Variants in RPS6KA2 observed in about 807,000 individuals in gnomAD.
RPS6KA2 encodes the protein ribosomal protein S6 kinase alpha-2.
Under a neutral mutation model 91.8 loss-of-function variants are expected in RPS6KA2, and 42 were observed. The ratio of observed to expected loss-of-function variants is 0.46; its 90% confidence interval spans 0.36 to 0.59. RPS6KA2 has a LOEUF of 0.59. RPS6KA2 is among the 20% of genes least tolerant of loss of function. The pLI is 0.00. For synonymous variants in RPS6KA2, 414 were observed against 393.6 expected (o/e 1.05, Z -0.61); for missense variants, 798 against 978.5 (o/e 0.82, Z 2.46).
intron 2 of RPS6KA2, among the ~76,000 whole-genome samples, chr6:166,759,081 G>A (rs1024181362): frequency 1.8e-5 from 2 of 110,212 alleles, no homozygotes; most frequent in African/African-American, 5.9e-5. Context: ...GTGTGTGTGT[G>A]TGCACATGTG....
chr6:166,639,019 C>T lies in RPS6KA2; in HGVS notation c.124-100235G>A, dbSNP rs1582973296. On this transcript the variant is annotated intron_variant, in intron 2 of 21. Transcript: ENST00000503859. The surrounding 1 kb of genome is among the most constrained non-coding windows in gnomAD (Gnocchi z 4.2). The stretch of plus-strand genomic sequence containing the variant: ...GGAAAAAACCCTGTTCTCACCAGGT[C>T]GTCACCTATGCAAACAGCAATTTCA... 2.0e-5 allele frequency among the ~76,000 whole-genome samples: 3 copies of T among 152,170 alleles called. No homozygotes were observed. The highest frequency in any genetic ancestry group is 2.1e-4 in the South Asian group (1 of 4,824).
chr6:166,590,408 G>A (rs972330414), intron 1 of RPS6KA2, among the ~76,000 whole-genome samples: 1 of 152,298 alleles, frequency 6.6e-6, no homozygotes, highest in African/African-American at 2.4e-5. Flanking sequence ...TGCTTTAGGA[G>A]GAGACAGATC....
Position 166,430,357 on chromosome 6 carries a change from C to T in RPS6KA2, c.1581+96G>A, listed in dbSNP as rs906808068. On this transcript the variant is annotated intron_variant, in intron 16 of 20. Transcript: ENST00000265678. Reference sequence around the variant, plus strand: ...GCACGGAAGGAATTCCAGGACAATCCGCGTTCTCAGCTCTTGAACCCATAA... The same window carrying T: ...GCACGGAAGGAATTCCAGGACAATCTGCGTTCTCAGCTCTTGAACCCATAA... The T allele has an allele frequency of 3.2e-5, 35 of 1,092,634 alleles. No homozygotes were observed. The African/African-American group carries it at 3.8e-4, about 12-fold the overall frequency. The allele number at this position is 1,092,634 out of a possible 1,614,324, so 67.7% of individuals were successfully genotyped here.
intron 2 of RPS6KA2, chr6:166,701,345 G>A (rs1430839719): frequency 6.5e-7 from 1 of 1,528,384 alleles, no homozygotes; most frequent in Non-Finnish European, 9.1e-7. Flanking sequence ...AGCAGCAAAG[G>A]ATGGCACTCT....
intron 11 of RPS6KA2, among the ~76,000 whole-genome samples, chr6:166,468,991 A>G (rs1780649532): frequency 6.6e-6 from 1 of 152,226 alleles, no homozygotes; most frequent in Non-Finnish European, 1.5e-5. Flanking sequence ...AGGAAAAGAA[A>G]ATCCCAACAT....
chr6:166,648,812 A>T lies in RPS6KA2; in HGVS notation c.124-110028T>A, dbSNP rs979554572. Among the ~76,000 whole-genome samples, 7 of 152,092 alleles carry T rather than the reference A, an allele frequency of 4.6e-5. No homozygotes were observed. Among genetic ancestry groups the T allele is most frequent in the Non-Finnish European group, 1.0e-4 (7 of 68,018 alleles). ...CATCTGTGACTGTCCGACTCAAAAC[A>T]TCGGTGCCTGGCACAGGAAGCATCT... On this transcript the variant is annotated intron_variant, in intron 2 of 21. Coordinates refer to the RPS6KA2 transcript ENST00000503859. This position sits in a 1 kb window ranked among gnomAD's most constrained non-coding sequence, Gnocchi z 4.8.
Position 166,524,363 on chromosome 6 carries a change from C to T in RPS6KA2, c.298+6869G>A, listed in dbSNP as rs1782954374. On this transcript the variant is annotated intron_variant, in intron 3 of 20. Transcript: ENST00000265678. ...AAATATTTCACGTAAGCAGCTCATT[C>T]GACACTGCGGAGAGCGCCTACCGAG... 3.3e-5 allele frequency among the ~76,000 whole-genome samples: 5 copies of T among 152,020 alleles called. No individual in the cohort carries two copies. The South Asian group carries it at 1.0e-3, about 32-fold the overall frequency.
At chr6:166,414,792 C>T (rs1778441525) in intron 19 of RPS6KA2, among the ~76,000 whole-genome samples, 1 of 152,194 alleles carries the variant, frequency 6.6e-6, no homozygotes, top group African/African-American at 2.4e-5. Context: ...CGGCTGGGCG[C>T]GTTGGCTCAT....
chr6:166,722,772 G>A (rs1790216988), intron 2 of RPS6KA2, among the ~76,000 whole-genome samples: 2 of 152,138 alleles, frequency 1.3e-5, no homozygotes, highest in Admixed American at 6.5e-5. Context: ...TTTGAGATTC[G>A]TCCTTCAGTC....
Position 166,437,526 on chromosome 6 carries a change from G to A in RPS6KA2, c.1333-5036C>T, listed in dbSNP as rs113212109. On this transcript the variant is annotated intron_variant, in intron 14 of 20. Coordinates refer to ENST00000265678, the MANE Select transcript of RPS6KA2 (RefSeq NM_021135.6). The surrounding 1 kb of genome is among the most constrained non-coding windows in gnomAD (Gnocchi z 4.3). The stretch of plus-strand genomic sequence containing the variant: ...CATCTGGCAACAGCTGGTTAGAAAG[G>A]ACTCCTACAACCTCCAGAGAAGGGC... Among the ~76,000 whole-genome samples the A allele has an allele frequency of 3.4e-4, 51 of 152,136 alleles. No individual in the cohort carries two copies. Among genetic ancestry groups the A allele is most frequent in the Non-Finnish European group, 4.0e-4 (27 of 68,018 alleles).
In RPS6KA2 at chr6:166,493,933, G is replaced by A. The variant is rs1016542004; in HGVS notation, c.748-3192C>T. 5.9e-5 allele frequency among the ~76,000 whole-genome samples: 9 copies of A among 152,278 alleles called. No individual in the cohort carries two copies. Among genetic ancestry groups the A allele is most frequent in the South Asian group, 4.1e-4 (2 of 4,822 alleles). Reference sequence around the variant, plus strand: ...GGAACCTGGAAAGAGTGGCGGCCCCGGCACAGGCAGGATGCGCCTCATGGA... The same window carrying A: ...GGAACCTGGAAAGAGTGGCGGCCCCAGCACAGGCAGGATGCGCCTCATGGA... On this transcript the variant is annotated intron_variant, in intron 8 of 20. Transcript: ENST00000265678. This position sits in a 1 kb window ranked among gnomAD's most constrained non-coding sequence, Gnocchi z 4.7.
chr6:166,427,355 A>G (rs923647893), intron 16 of RPS6KA2, among the ~76,000 whole-genome samples: 9 of 152,142 alleles, frequency 5.9e-5, no homozygotes, highest in South Asian at 2.1e-4. Context: ...ATACTGAATG[A>G]GCAAAAACTG....
intron 2 of RPS6KA2, among the ~76,000 whole-genome samples, chr6:166,687,795 T>C (rs1789071486): frequency 6.6e-6 from 1 of 152,202 alleles, no homozygotes; most frequent in African/African-American, 2.4e-5. Flanking sequence ...CAGGATTTGC[T>C]CAATGCGTGT....
chr6:166,731,865 C>G (rs544197393), intron 2 of RPS6KA2, among the ~76,000 whole-genome samples: 2 of 152,044 alleles, frequency 1.3e-5, no homozygotes, highest in Admixed American at 1.3e-4. Flanking sequence ...AGGACTCCCC[C>G]GGGGCCATCA....
rs1779206756 is a variant in RPS6KA2, at chr6:166,433,603, G to C, written c.1333-1113C>G. Among the ~76,000 whole-genome samples the C allele has an allele frequency of 6.6e-6, 1 of 152,182 alleles. No individual in the cohort carries two copies. The highest frequency in any genetic ancestry group is 1.5e-5 in the Non-Finnish European group (1 of 68,036). ...CGATTGGAAACACCTTCCTAACCAT[G>C]ATTTGTACTATTCTCACATTAGTTC... is the stretch of plus-strand genomic sequence containing the variant. On this transcript the variant is annotated intron_variant, in intron 14 of 20. Coordinates refer to ENST00000265678, the MANE Select transcript of RPS6KA2 (RefSeq NM_021135.6). The surrounding 1 kb of genome is among the most constrained non-coding windows in gnomAD (Gnocchi z 4.4).
rs1202215627 is a variant in RPS6KA2 at position 166,801,086 on chromosome 6, C to T, written c.123+57114G>A. On this transcript the variant is annotated intron_variant, in intron 2 of 21. Transcript: ENST00000503859. ...AAAAAAATTTAAACCATGGTATGTG[C>T]ACTTTTGTAAATGGTTTTGCTGCAA... Among the ~76,000 whole-genome samples, 2 of 152,172 alleles carry T rather than the reference C, an allele frequency of 1.3e-5. 1 individual carries two copies. The highest frequency in any genetic ancestry group is 1.3e-4 in the Admixed American group (2 of 15,288).
chr6:166,439,257 G>A (rs146150313), intron 14 of RPS6KA2, among the ~76,000 whole-genome samples: 5,377 of 152,198 alleles, frequency 0.035, 130 homozygotes, highest in Middle Eastern at 0.11. Flanking sequence ...ACAGGCACGC[G>A]CCACCATGCC....
intron 2 of RPS6KA2, among the ~76,000 whole-genome samples, chr6:166,804,032 G>A (rs1779432219): frequency 6.6e-6 from 1 of 152,104 alleles, no homozygotes; most frequent in African/African-American, 2.4e-5. Context: ...ATTTCTGTGA[G>A]GTTTCTGAAG....
chr6:166,550,844 AC>A (rs1208779364), intron 1 of RPS6KA2, among the ~76,000 whole-genome samples: 1 of 151,980 alleles, frequency 6.6e-6, no homozygotes, highest in Non-Finnish European at 1.5e-5. Flanking sequence ...CTACTAAAAT[AC>A]AAAAAATTAG....
Sources: allele counts gnomAD v4.1 joint callset (sites outside exome capture counted in the v4.1 genomes callset), GRCh38; gene constraint gnomAD v4.1.1; non-coding constraint Gnocchi (gnomAD v3.1); transcripts MANE v1.5; gene names NCBI Gene and HGNC (gene_info 2026-07-23, HGNC 2026-07-21).